SGIP1: variants seen among roughly 807,000 people sequenced by gnomAD.
The protein encoded by SGIP1 is SH3GL interacting endocytic adaptor 1.
Under a neutral mutation model 107.5 loss-of-function variants are expected in SGIP1, and 38 were observed. The ratio of observed to expected loss-of-function variants is 0.35; its 90% CI spans 0.27 to 0.46. SGIP1 has a LOEUF of 0.46. Ranked by LOEUF, SGIP1 falls within the 20% of genes least tolerant of loss-of-function variation. The probability of loss-of-function intolerance (pLI) is 1.00; values close to 1 mark genes in which losing one functional copy is unlikely to be tolerated. For synonymous variants in SGIP1, 365 were observed against 366.1 expected, an observed-to-expected ratio of 1.00 and a Z score of 0.03; for missense variants, 929 against 1,019.5, an observed-to-expected ratio of 0.91 and a Z score of 1.21.
At chr1:66,589,210 A>ATGTGTGTGTG (rs1351093715) in intron 1 of SGIP1, among the ~76,000 whole-genome samples, 1 of 69,006 alleles carries the variant, frequency 1.4e-5, no homozygotes, top group Non-Finnish European at 2.8e-5. Flanking sequence ...ATATATATAT[A>ATGTGTGTGTG]TATATATGTA....
At chr1:66,683,571 C>T (rs1474574684) in intron 15 of SGIP1, among the ~76,000 whole-genome samples, 1 of 152,022 alleles carries the variant, frequency 6.6e-6, no homozygotes, top group Non-Finnish European at 1.5e-5. Flanking sequence ...GGTCCTCTTC[C>T]CCTCAAAAGG....
rs935678919 is a variant in SGIP1 at position 66,548,090 on chromosome 1, G to A, written c.10+13722G>A. Among the ~76,000 whole-genome samples the A allele has an allele frequency of 3.3e-5, 5 of 152,172 alleles. No homozygotes were observed. The East Asian group carries it at 5.8e-4, about 18-fold the overall frequency. On this transcript the variant is annotated intron_variant, in intron 1 of 24. Coordinates refer to ENST00000371037, the MANE Select transcript of SGIP1 (RefSeq NM_032291.4). Reference sequence around the variant, plus strand: ...TTTATGAGCAATGGAGGTGGATCTGGAATGGATTCTGAAGCAATGGAAAGC... The same window carrying A: ...TTTATGAGCAATGGAGGTGGATCTGAAATGGATTCTGAAGCAATGGAAAGC...
At chr1:66,697,701 C>G (rs949135069) in intron 18 of SGIP1, among the ~76,000 whole-genome samples, 16 of 152,142 alleles carry the variant, frequency 1.1e-4, no homozygotes, top group Admixed American at 6.6e-5. Context: ...GTACGCTAGA[C>G]TCGGGTATTT....
At chr1:66,717,011 AT>A (rs773000863) in intron 18 of SGIP1, among the ~76,000 whole-genome samples, 1 of 152,130 alleles carries the variant, frequency 6.6e-6, no homozygotes, top group Non-Finnish European at 1.5e-5. Context: ...ACTTAGTAAG[AT>A]TATCTTCATC....
At chr1:66,727,795 A>T (rs2093826133) in intron 19 of SGIP1, among the ~76,000 whole-genome samples, 1 of 152,238 alleles carries the variant, frequency 6.6e-6, no homozygotes, top group African/African-American at 2.4e-5. Flanking sequence ...CAATTCTGTT[A>T]TATGAAATTC....
At chr1:66,686,342 T>C (rs1328262973) in intron 15 of SGIP1, among the ~76,000 whole-genome samples, 1 of 152,190 alleles carries the variant, frequency 6.6e-6, no homozygotes, top group African/African-American at 2.4e-5. Context: ...AACAAATGGA[T>C]TGAGAGCATG....
At chr1:66,609,530 A>G (rs2067518464) in intron 1 of SGIP1, among the ~76,000 whole-genome samples, 1 of 152,202 alleles carries the variant, frequency 6.6e-6, no homozygotes, top group African/African-American at 2.4e-5. Flanking sequence ...AATACATCAG[A>G]CCAGGTCCTA....
At chr1:66,540,000 T>C (rs989941567) in intron 1 of SGIP1, among the ~76,000 whole-genome samples, 3 of 152,220 alleles carry the variant, frequency 2.0e-5, no homozygotes, top group African/African-American at 7.2e-5. Context: ...TATAAATACT[T>C]AACATGTTTA....
chr1:66,635,958 C>G lies in SGIP1; in HGVS notation c.114C>G (p.His38Gln). Residue 38 changes from histidine to glutamine, a missense_variant, in exon 4 of 25, where the codon CAC (histidine) becomes CAG (glutamine). This residue lies in a region of SGIP1 where 588 missense variants were observed against 588.6 expected (regional missense o/e 1.00). Coordinates refer to ENST00000371037, the MANE Select transcript of SGIP1 (RefSeq NM_032291.4). ...PDRDGIQPSP[H>Q]EPPYNSKAEC... ...ATCAATTCCAGCAGCCCAGCCCACA[C>G]GAACCACCCTACAATAGCAAAGCAG... The G allele has an allele frequency of 6.2e-7, 1 of 1,613,810 alleles. No homozygotes were observed. The highest frequency in any genetic ancestry group is 8.5e-7 in the Non-Finnish European group (1 of 1,179,856).
At chr1:66,611,617 TC>T (rs1238043001) in intron 1 of SGIP1, among the ~76,000 whole-genome samples, 1 of 152,208 alleles carries the variant, frequency 6.6e-6, no homozygotes, top group Non-Finnish European at 1.5e-5. Flanking sequence ...CTCTTCCTTT[TC>T]CGTGGCAATC....
intron 18 of SGIP1, among the ~76,000 whole-genome samples, chr1:66,718,332 T>C (rs1160606813): frequency 6.6e-6 from 1 of 151,692 alleles, no homozygotes; most frequent in Admixed American, 6.6e-5. Context: ...AAAAAAAAAA[T>C]CTTAAATGTT....
intron 12 of SGIP1, among the ~76,000 whole-genome samples, chr1:66,676,676 G>C (rs2085424040): frequency 6.6e-6 from 1 of 152,086 alleles, no homozygotes. Flanking sequence ...TTTTCAAATG[G>C]GTACCTGAAA....
intron 21 of SGIP1, among the ~76,000 whole-genome samples, chr1:66,734,452 A>G (rs2094143490): frequency 6.6e-6 from 1 of 151,466 alleles, no homozygotes; most frequent in Non-Finnish European, 1.5e-5. Context: ...GGATCCTGAT[A>G]GTGCCTGAGT....
At chr1:66,684,308 CATCGACAA>C (rs2087652214) in intron 15 of SGIP1, 1 of 1,374,174 alleles carries the variant, frequency 7.3e-7, no homozygotes, top group Non-Finnish European at 9.8e-7. Context: ...TGCACAGTGT[CATCGACAA>C]GATCACCAAA....
chr1:66,664,771 A>G (rs1209402364), intron 8 of SGIP1, among the ~76,000 whole-genome samples: 1 of 152,196 alleles, frequency 6.6e-6, no homozygotes, highest in Admixed American at 6.5e-5. Context: ...GAATCCATGC[A>G]TTAGCGCACA....
intron 1 of SGIP1, among the ~76,000 whole-genome samples, chr1:66,611,335 A>G (rs758550988): frequency 1.3e-5 from 2 of 152,184 alleles, no homozygotes; most frequent in Non-Finnish European, 1.5e-5. Flanking sequence ...CCAGTTAATT[A>G]TGTGGGAGTA....
intron 1 of SGIP1, among the ~76,000 whole-genome samples, chr1:66,539,705 C>T (rs2054449199): frequency 6.6e-6 from 1 of 152,218 alleles, no homozygotes; most frequent in Non-Finnish European, 1.5e-5. Flanking sequence ...AGGGCTTTTT[C>T]TTTGCCTAAA....
intron 1 of SGIP1, among the ~76,000 whole-genome samples, chr1:66,539,900 T>C (rs2054507237): frequency 6.6e-6 from 1 of 152,180 alleles, no homozygotes; most frequent in Non-Finnish European, 1.5e-5. Flanking sequence ...TTTCAGTGCA[T>C]GGGCTGAATC....
chr1:66,565,596 G>A (rs1455646621), intron 1 of SGIP1, among the ~76,000 whole-genome samples: 2 of 151,974 alleles, frequency 1.3e-5, no homozygotes, highest in African/African-American at 4.8e-5. Flanking sequence ...AAGTACCTCT[G>A]AAGAGAGAGA....
Sources: gnomAD v4.1 joint callset for allele counts (sites outside exome capture counted in the v4.1 genomes callset) on GRCh38, gnomAD v4.1.1 for gene constraint, gnomAD v4.1.1 regional missense constraint, MANE v1.5 for transcripts, NCBI Gene and HGNC (gene_info 2026-07-23, HGNC 2026-07-21) for gene names.